The following BRD2 variants were observed in gnomAD, a reference collection of about 807,000 sequenced individuals.
BRD2 encodes the protein bromodomain-containing protein 2.
In BRD2, 15 loss-of-function variants were observed where a neutral mutation model predicts 79.1. That is an observed-to-expected ratio of 0.19 (90% CI 0.13 to 0.29). The LOEUF (loss-of-function observed/expected upper bound fraction) is 0.29, where lower values mean the gene tolerates loss of function less well. BRD2 is among the 10% of genes least tolerant of loss of function. BRD2 has a pLI of 1.00. For missense variants in BRD2, 1,053 were observed against 991.3 expected (o/e 1.06, Z -0.84); for synonymous variants, 488 against 358.6 (o/e 1.36, Z -4.08).
Position 32,972,076 on chromosome 6 carries a change from C to G in BRD2, c.-823C>G, listed in dbSNP as rs1349837259. ...TTCCCCTTCGACTCAGCTTCTTCAC[C>G]CGCGTGAGCGAGCGCGCGCGCGCGG... On this transcript the variant is annotated 5_prime_UTR_variant, in exon 2 of 13. Transcript: ENST00000374825. 1 of 697,324 alleles carries G rather than the reference C, an allele frequency of 1.4e-6. No individual in the cohort carries two copies. The highest frequency in any genetic ancestry group is 2.7e-5 in the East Asian group (1 of 37,066). The allele number at this position is 697,324 out of a possible 1,614,324, so 43.2% of individuals were successfully genotyped here.
At position 32,974,480 on chromosome 6, in the gene BRD2, T is replaced by G; in HGVS notation, c.48T>G (p.Asn16Lys). 1 of 1,611,946 alleles carries G rather than the reference T, an allele frequency of 6.2e-7. No homozygotes were observed. ...TTTACAGGCTCCCTGGGGAAGGGAATGCAGGGTTGCTGGGGCTGGGCCCAG... is the reference window on the plus strand; with the variant it reads ...TTTACAGGCTCCCTGGGGAAGGGAAGGCAGGGTTGCTGGGGCTGGGCCCAG... ...TPHNKLPGEG[N>K]AGLLGLGPEA... Residue 16 changes from asparagine (N) to lysine (K), a missense_variant, in exon 3 of 13, where the codon AAT becomes AAG. Physicochemically the swap from Asn to Lys is moderately conservative, Grantham distance 94. Around this residue, in one of 5 missense-constraint regions of BRD2, gnomAD observed 413 missense variants for 335.1 expected, o/e 1.23. Coordinates refer to ENST00000374825, the MANE Select transcript of BRD2 (RefSeq NM_005104.4).
chr6:32,971,964 G>T lies in BRD2; in HGVS notation c.-935G>T. 1.4e-6 allele frequency: 1 copy of T among 702,950 alleles called. No homozygotes were observed. The allele number at this position is 702,950 out of a possible 1,614,324, so 43.5% of individuals were successfully genotyped here. A position where few individuals can be genotyped will look rare whatever the true frequency, so the allele number is the denominator to read the frequency against. On this transcript the variant is annotated 5_prime_UTR_variant, in exon 2 of 13. Coordinates refer to ENST00000374825, the MANE Select transcript of BRD2 (RefSeq NM_005104.4). ...CTGTGGGTCTCTGCGGCACTCTTCT[G>T]CCTGGTGACTGACACCTTGGAAATG...
chr6:32,972,768 T>C lies in BRD2; in HGVS notation c.-131T>C. On this transcript the variant is annotated 5_prime_UTR_variant, in exon 2 of 13. Transcript: ENST00000374825. ...CTTTCGTGCCGGCCAGGCAGGGGGT[T>C]TGTCGCCTGGAGGCCCAAGAGGAAC... The C allele has an allele frequency of 7.2e-7, 1 of 1,389,090 alleles. No homozygotes were observed. Among genetic ancestry groups the C allele is most frequent in the South Asian group, 1.2e-5 (1 of 85,026 alleles). 86.0% of individuals were successfully genotyped at this position (1,389,090 alleles called of 1,614,324 possible). A position where few individuals can be genotyped will look rare whatever the true frequency, so the allele number is the denominator to read the frequency against.
At chr6:32,979,600 A>G (rs1375051020) in intron 10 of BRD2, 7 of 534,196 alleles carry the variant, frequency 1.3e-5, no homozygotes, top group Non-Finnish European at 2.0e-5. Flanking sequence ...TCATTAAGGT[A>G]TGTACGTACA....
chr6:32,972,619 T>A lies in BRD2; in HGVS notation c.-280T>A. 3 of 573,982 alleles carry A rather than the reference T, an allele frequency of 5.2e-6. No individual in the cohort carries two copies. Among genetic ancestry groups the A allele is most frequent in the Non-Finnish European group, 9.3e-6 (3 of 321,894 alleles). The allele number at this position is 573,982 out of a possible 1,614,324, so 35.6% of individuals were successfully genotyped here. On this transcript the variant is annotated 5_prime_UTR_variant, in exon 2 of 13. Transcript: ENST00000374825. ...CGGTGTCTGAGATCGGGGACCGTCT[T>A]TTGAAGAGTCAGTCCCTCCTTAGTT...
rs936105239 is a variant in BRD2, at chr6:32,976,606, T to G, written c.870T>G (p.Pro290=). 20 of 1,609,940 alleles carry G rather than the reference T, an allele frequency of 1.2e-5. No homozygotes were observed. The highest frequency in any genetic ancestry group is 1.6e-5 in the Non-Finnish European group (19 of 1,179,440). The change falls in exon 7 of 13, where the codon CCT becomes CCG. Residue 290 remains proline, a synonymous_variant. Coordinates refer to ENST00000374825, the MANE Select transcript of BRD2 (RefSeq NM_005104.4). ...KRKADTTTPT[P]TAILAPGSPA... is the part of the protein sequence containing the mutation. ...AAGCAGATACTACCACCCCTACACC[T>G]ACAGCCATCTTGGCTCCTGGTTCTC...
Position 32,974,585 on chromosome 6 carries a change from G to T in BRD2, c.153G>T (p.Val51=). 1 of 1,614,228 alleles carries T rather than the reference G, an allele frequency of 6.2e-7. No individual in the cohort carries two copies. Among genetic ancestry groups the T allele is most frequent in the South Asian group, 1.1e-5 (1 of 91,090 alleles). Residue 51 remains valine (V), a synonymous_variant, in exon 3 of 13, where the codon GTG becomes GTT. Coordinates refer to ENST00000374825, the MANE Select transcript of BRD2 (RefSeq NM_005104.4). ...TTGAGAGCCCCACAATGGCTTCGGT[G>T]CCTGCTTTGCAACTTACCCCTGCCA... ...EGFESPTMAS[V]PALQLTPANP...
In BRD2 at chr6:32,974,685, G is replaced by A. The variant is rs566448406; in HGVS notation, c.253G>A (p.Val85Ile). The A allele has an allele frequency of 3.1e-6, 5 of 1,614,208 alleles. No individual in the cohort carries two copies. Among genetic ancestry groups the A allele is most frequent in the Admixed American group, 1.7e-5 (1 of 60,026 alleles). Residue 85 changes from valine to isoleucine, a missense_variant, in exon 3 of 13, where the codon GTA (valine) becomes ATA (isoleucine). This residue lies in a region of BRD2 where 413 missense variants were observed against 335.1 expected (regional missense o/e 1.23). Transcript: ENST00000374825. ...VTNQLQYLHK[V>I]VMKALWKHQF... is the part of the protein sequence containing the mutation. ...CAACCAGCTGCAATACCTACACAAGGTAGTGATGAAGGCTCTGTGGAAACA... is the reference window on the plus strand; with the variant it reads ...CAACCAGCTGCAATACCTACACAAGATAGTGATGAAGGCTCTGTGGAAACA...
chr6:32,978,603 G>A, intron 10 of BRD2: 1 of 720,982 alleles, frequency 1.4e-6, no homozygotes, highest in Non-Finnish European at 2.2e-6. Context: ...GGATGAAACT[G>A]TTCCACCTCA....
chr6:32,972,653 C>T lies in BRD2; in HGVS notation c.-246C>T, dbSNP rs1778169545. ...TCAGTCCCTCCTTAGTTGCCCGCCTCAGCTGAGGCCGCCGCCATTTTCTTG... is the reference window on the plus strand; with the variant it reads ...TCAGTCCCTCCTTAGTTGCCCGCCTTAGCTGAGGCCGCCGCCATTTTCTTG... On this transcript the variant is annotated 5_prime_UTR_variant, in exon 2 of 13. Transcript: ENST00000374825. The T allele has an allele frequency of 3.3e-6, 2 of 607,962 alleles. No individual in the cohort carries two copies. The highest frequency in any genetic ancestry group is 2.8e-5 in the East Asian group (1 of 36,124). The allele number at this position is 607,962 out of a possible 1,614,324, so 37.7% of individuals were successfully genotyped here. A position where few individuals can be genotyped will look rare whatever the true frequency, so the allele number is the denominator to read the frequency against.
chr6:32,972,043 G>C lies in BRD2; in HGVS notation c.-856G>C. Reference sequence around the variant, plus strand: ...CCAATAGAAAAAGCTCCCGCGGAGAGGTGTTCCTTCCCCTTCGACTCAGCT... The same window carrying C: ...CCAATAGAAAAAGCTCCCGCGGAGACGTGTTCCTTCCCCTTCGACTCAGCT... On this transcript the variant is annotated 5_prime_UTR_variant, in exon 2 of 13. Transcript: ENST00000374825. 1 of 701,714 alleles carries C rather than the reference G, an allele frequency of 1.4e-6. No individual in the cohort carries two copies. Among genetic ancestry groups the C allele is most frequent in the Non-Finnish European group, 2.6e-6 (1 of 384,792 alleles). The allele number at this position is 701,714 out of a possible 1,614,324, so 43.5% of individuals were successfully genotyped here. A position where few individuals can be genotyped will look rare whatever the true frequency, so the allele number is the denominator to read the frequency against.
At position 32,976,123 on chromosome 6, in the gene BRD2, A is replaced by G. The variant is rs2127514804; in HGVS notation, c.564A>G (p.Val188=). The G allele has an allele frequency of 6.2e-7, 1 of 1,613,004 alleles. No individual in the cohort carries two copies. ...TGCCACAAGAAGAACAAGAGCTGGT[A>G]GTGACCATCCCTAAGAACAGCCACA... ...ASMPQEEQEL[V]VTIPKNSHKK... is the part of the protein sequence containing the mutation. Residue 188 remains valine (V), a synonymous_variant, in exon 5 of 13, where the codon GTA becomes GTG. Coordinates refer to ENST00000374825, the MANE Select transcript of BRD2 (RefSeq NM_005104.4).
At position 32,976,362 on chromosome 6, in the gene BRD2, C is replaced by G; in HGVS notation, c.723C>G (p.Pro241=). The stretch of plus-strand genomic sequence containing the variant: ...TACCTACCACTGTCCTCAACATTCC[C>G]CACCCATCAGTCATTTCCTCTCCAC... ...PEIPTTVLNI[P]HPSVISSPLL... is the part of the protein sequence containing the mutation. The change falls in exon 6 of 13, where the codon CCC becomes CCG. Residue 241 remains proline, a synonymous_variant. Coordinates refer to ENST00000374825, the MANE Select transcript of BRD2 (RefSeq NM_005104.4). 2 of 1,613,048 alleles carry G rather than the reference C, an allele frequency of 1.2e-6. No individual in the cohort carries two copies. Among genetic ancestry groups the G allele is most frequent in the Non-Finnish European group, 1.7e-6 (2 of 1,180,030 alleles).
At chr6:32,969,451 A>ACCC in intron 1 of BRD2, 1 of 683,144 alleles carries the variant, frequency 1.5e-6, no homozygotes, top group Non-Finnish European at 2.7e-6. Context: ...ATGCTTTAGG[A>ACCC]GTTGGCCACC....
chr6:32,976,444 C>T lies in BRD2; in HGVS notation c.805C>T (p.Pro269Ser), dbSNP rs148978000. Residue 269 changes from proline (P) to serine (S), a missense_variant, in exon 6 of 13, where the codon CCA (proline) becomes TCA (serine). This residue lies in a region of BRD2 where 413 missense variants were observed against 335.1 expected (regional missense o/e 1.23). Coordinates refer to ENST00000374825, the MANE Select transcript of BRD2 (RefSeq NM_005104.4). ...PPLLAVTAAP[P>S]AQPLAKKKGV... ...GCTCCTTGCTGTTACTGCAGCTCCT[C>T]CAGCCCAGCCCCTTGCCAAGGTATG... The T allele has an allele frequency of 2.6e-5, 42 of 1,610,482 alleles. No individual in the cohort carries two copies. The African/African-American group carries it at 4.7e-4, about 18-fold the overall frequency.
Position 32,972,803 on chromosome 6 carries a change from C to G in BRD2, c.-96C>G. The stretch of plus-strand genomic sequence containing the variant: ...GAGGCCCAAGAGGAACGGCCTCCCC[C>G]CAACTTAGCGGGTTATGCTGGACCG... On this transcript the variant is annotated 5_prime_UTR_variant, in exon 2 of 13. Coordinates refer to ENST00000374825, the MANE Select transcript of BRD2 (RefSeq NM_005104.4). The G allele has an allele frequency of 1.3e-6, 2 of 1,591,194 alleles. No homozygotes were observed. The highest frequency in any genetic ancestry group is 8.6e-7 in the Non-Finnish European group (1 of 1,164,562).
At chr6:32,975,311 A>AGT (rs1778590497) in intron 3 of BRD2, 73 bp from the exon 4 acceptor site, 9 of 1,115,984 alleles carry the variant, frequency 8.1e-6, no homozygotes, top group South Asian at 4.4e-5. Context: ...TGTGTGTGTG[A>AGT]GAGTCGGGGA....
At chr6:32,971,504 G>C (rs1451775015) in intron 1 of BRD2, 91 bp from the exon 2 acceptor site, 1 of 423,766 alleles carries the variant, frequency 2.4e-6, no homozygotes, top group Non-Finnish European at 4.2e-6. Context: ...GGGAACGTTA[G>C]ATCCCCTCAT....
intron 1 of BRD2, chr6:32,971,239 G>C (rs202081949): frequency 1.9e-5 from 4 of 207,088 alleles, no homozygotes; most frequent in Non-Finnish European, 3.8e-5. Flanking sequence ...GATGCGTTTG[G>C]AGATTTTAAT....
Sources: allele counts gnomAD v4.1 joint callset, GRCh38; gene constraint gnomAD v4.1.1; regional missense constraint gnomAD v4.1.1; transcripts MANE v1.5; gene names NCBI Gene and HGNC (gene_info 2026-07-23, HGNC 2026-07-21).